The following PDZRN3 variants were observed in gnomAD, a reference collection of about 807,000 sequenced individuals.
The protein encoded by PDZRN3 is E3 ubiquitin-protein ligase PDZRN3.
In PDZRN3, 38 loss-of-function variants were observed where a neutral mutation model predicts 85.7. The ratio of observed to expected loss-of-function variants is 0.44; its 90% confidence interval spans 0.34 to 0.58. The LOEUF (loss-of-function observed/expected upper bound fraction) is 0.58, where lower values mean the gene tolerates loss of function less well. PDZRN3 is among the 20% of genes least tolerant of loss of function. The pLI is 0.01. For missense variants in PDZRN3, 1,629 were observed against 1,506.4 expected (o/e 1.08, Z -1.35); for synonymous variants, 759 against 638.0 (o/e 1.19, Z -2.86).
chr3:73,402,439 C>CT (rs1701767996), intron 4 of PDZRN3: 1 of 152,280 alleles, frequency 6.6e-6, no homozygotes, highest in Non-Finnish European at 1.5e-5. Context: ...CGGGGTCTGA[C>CT]TGACCTGCCT....
intron 3 of PDZRN3, among the ~76,000 whole-genome samples, chr3:73,528,917 C>T (rs992149271): frequency 6.9e-6 from 1 of 145,394 alleles, no homozygotes; most frequent in South Asian, 2.2e-4. Flanking sequence ...CACACACACA[C>T]GCACATGCAC....
rs531694757 is a variant in PDZRN3 at position 73,481,759 on chromosome 3, G to T, written c.919-77364C>A. Among the ~76,000 whole-genome samples, 164 of 152,162 alleles carry T rather than the reference G, an allele frequency of 1.1e-3. 1 individual carries two copies. The highest frequency in any genetic ancestry group is 3.8e-3 in the African/African-American group (158 of 41,540). On this transcript the variant is annotated intron_variant, in intron 3 of 9. Coordinates refer to ENST00000263666, the MANE Select transcript of PDZRN3 (RefSeq NM_015009.3). ...TGGAAATGTTCAAATTTATAAATAGGTTGTTCATAAAACTTAAAGAGTGTA... is the reference window on the plus strand; with the variant it reads ...TGGAAATGTTCAAATTTATAAATAGTTTGTTCATAAAACTTAAAGAGTGTA...
chr3:73,592,171 T>A (rs1380248516), intron 3 of PDZRN3, among the ~76,000 whole-genome samples: 2 of 152,194 alleles, frequency 1.3e-5, no homozygotes, highest in Non-Finnish European at 2.9e-5. Context: ...TTTATCTGGC[T>A]AACGGATCCT....
intron 8 of PDZRN3, among the ~76,000 whole-genome samples, chr3:73,387,327 G>A (rs1576020524): frequency 6.6e-6 from 1 of 152,376 alleles, no homozygotes; most frequent in South Asian, 2.1e-4. Flanking sequence ...CCACCTGGGT[G>A]AGTTCATGAT....
intron 3 of PDZRN3, among the ~76,000 whole-genome samples, chr3:73,559,966 C>T (rs1701781921): frequency 6.6e-6 from 1 of 152,206 alleles, no homozygotes; most frequent in Non-Finnish European, 1.5e-5. Context: ...TATTTTCTGT[C>T]AAGGGCGGGA....
At chr3:73,545,326 G>C (rs1701398806) in intron 3 of PDZRN3, among the ~76,000 whole-genome samples, 1 of 152,172 alleles carries the variant, frequency 6.6e-6, no homozygotes, top group Non-Finnish European at 1.5e-5. Context: ...GGATCAGAGG[G>C]TTTAAGAAAC....
chr3:73,590,654 G>A (rs1702344949), intron 3 of PDZRN3, among the ~76,000 whole-genome samples: 1 of 152,124 alleles, frequency 6.6e-6, no homozygotes, highest in African/African-American at 2.4e-5. Flanking sequence ...AAAGTTTCAA[G>A]CTTTCAATAA....
intron 3 of PDZRN3, among the ~76,000 whole-genome samples, chr3:73,512,639 T>G (rs1704187876): frequency 6.6e-6 from 1 of 152,136 alleles, no homozygotes; most frequent in African/African-American, 2.4e-5. Context: ...AAACTCAAGT[T>G]TCTTTAACTT....
intron 3 of PDZRN3, among the ~76,000 whole-genome samples, chr3:73,415,788 A>C (rs1702068903): frequency 6.6e-6 from 1 of 152,328 alleles, no homozygotes; most frequent in South Asian, 2.1e-4. Context: ...AAATGGGTTT[A>C]AGATGTAACT....
At position 73,384,038 on chromosome 3, in the gene PDZRN3, C is replaced by T; in HGVS notation, c.2528G>A (p.Ser843Asn). The change falls in exon 10 of 10, where the codon AGC (serine) becomes AAC (asparagine). Residue 843 changes from serine to asparagine, a missense_variant. By Grantham distance (46) the Ser-to-Asn change is conservative. Coordinates refer to ENST00000263666, the MANE Select transcript of PDZRN3 (RefSeq NM_015009.3). ...GGGCGTGGGGCTCCGGCTCCCGTCGCTGGCTCTCCGCTCTTTGCTTTCCAG... is the reference window on the plus strand; with the variant it reads ...GGGCGTGGGGCTCCGGCTCCCGTCGTTGGCTCTCCGCTCTTTGCTTTCCAG... ...QPLESKERRA[S>N]DGSRSPTPSQ... 2 of 1,598,100 alleles carry T rather than the reference C, an allele frequency of 1.3e-6. No homozygotes were observed.
chr3:73,594,412 G>A (rs192659967), intron 3 of PDZRN3, among the ~76,000 whole-genome samples: 7 of 152,246 alleles, frequency 4.6e-5, no homozygotes, highest in Admixed American at 4.6e-4. Flanking sequence ...CTCGTATCCT[G>A]TACAAAAATT....
chr3:73,572,902 T>A (rs1702065380), intron 3 of PDZRN3, among the ~76,000 whole-genome samples: 1 of 152,220 alleles, frequency 6.6e-6, no homozygotes, highest in East Asian at 1.9e-4. Context: ...TTTGAAAAGA[T>A]GGCTCCGGGA....
chr3:73,397,751 G>A (rs1430010083), intron 5 of PDZRN3, among the ~76,000 whole-genome samples: 1 of 152,178 alleles, frequency 6.6e-6, no homozygotes, highest in Non-Finnish European at 1.5e-5. Context: ...AAACTGCCAG[G>A]TTCACTTTAT....
intron 3 of PDZRN3, among the ~76,000 whole-genome samples, chr3:73,488,690 T>C (rs912279441): frequency 1.3e-5 from 2 of 152,250 alleles, no homozygotes; most frequent in African/African-American, 4.8e-5. Context: ...TATCTTTCTA[T>C]TACCAACAGG....
chr3:73,403,257 T>C (rs1701790426), intron 4 of PDZRN3, among the ~76,000 whole-genome samples: 1 of 152,216 alleles, frequency 6.6e-6, no homozygotes. Context: ...TGAAAAGCTA[T>C]GTTAAAAGCT....
intron 3 of PDZRN3, among the ~76,000 whole-genome samples, chr3:73,495,837 A>G (rs532725087): frequency 6.6e-6 from 1 of 152,306 alleles, no homozygotes; most frequent in African/African-American, 2.4e-5. Context: ...TAAGGATCAG[A>G]TCACTCTTCT....
At chr3:73,570,610 A>G (rs576711862) in intron 3 of PDZRN3, among the ~76,000 whole-genome samples, 77 of 152,242 alleles carry the variant, frequency 5.1e-4, no homozygotes, top group African/African-American at 1.8e-3. Context: ...TATTGCTCCA[A>G]ATGACCGGCT....
chr3:73,506,245 C>T lies in PDZRN3; in HGVS notation c.918+96109G>A, dbSNP rs541778228. 3.3e-5 allele frequency among the ~76,000 whole-genome samples: 5 copies of T among 152,272 alleles called. No individual in the cohort carries two copies. In the East Asian group the frequency reaches 5.8e-4, roughly 18 times the overall value. On this transcript the variant is annotated intron_variant, in intron 3 of 9. Transcript: ENST00000263666. ...CTGGTCAGGTTGATCTTGCAACGTC[C>T]GTTTCTGAAGTCGGGCCTGGGCAGG... is the stretch of plus-strand genomic sequence containing the variant.
Position 73,404,407 on chromosome 3 carries a change from T to C in PDZRN3, c.919-12A>G. ...TCTCTGCCGTTGACCTGTGGAAAAA[T>C]ATTTAGGGTGGGACAAGGTTAGAAT... is the stretch of plus-strand genomic sequence containing the variant. On this transcript the variant is annotated splice_polypyrimidine_tract_variant and intron_variant, in intron 3 of 9. Coordinates refer to ENST00000263666, the MANE Select transcript of PDZRN3 (RefSeq NM_015009.3). 6.2e-7 allele frequency: 1 copy of C among 1,607,654 alleles called. No homozygotes were observed. The highest frequency in any genetic ancestry group is 8.5e-7 in the Non-Finnish European group (1 of 1,176,570).
Sources: allele counts gnomAD v4.1 joint callset (sites outside exome capture counted in the v4.1 genomes callset), GRCh38; gene constraint gnomAD v4.1.1; transcripts MANE v1.5; gene names NCBI Gene and HGNC (gene_info 2026-07-23, HGNC 2026-07-21).